The following GPC4 variants were observed in gnomAD, a reference collection of about 807,000 sequenced individuals.
The protein encoded by GPC4 is glypican 4, also known as glypican-4.
A neutral mutation model predicts 35.0 loss-of-function variants in GPC4; 10 were observed. The ratio of observed to expected loss-of-function variants is 0.29; its 90% CI spans 0.18 to 0.48. GPC4 has a LOEUF of 0.48. Among genes scored for constraint, GPC4 ranks in the 20% least tolerant of loss-of-function variants. The pLI is 0.99. For synonymous variants in GPC4, 167 were observed against 170.2 expected, an observed-to-expected ratio of 0.98 and a Z score of 0.15; for missense variants, 322 against 451.3, an observed-to-expected ratio of 0.71 and a Z score of 2.60.
intron 1 of GPC4, among the ~76,000 whole-genome samples, chrX:133,401,092 T>C (rs2068766425): frequency 9.0e-6 from 1 of 110,930 alleles, no homozygotes; most frequent in East Asian, 2.9e-4. Context: ...CCTGGTGTGC[T>C]TGAAGGAAAA....
At chrX:133,346,727 A>C (rs2068492437) in intron 1 of GPC4, among the ~76,000 whole-genome samples, 1 of 112,315 alleles carries the variant, frequency 8.9e-6, no homozygotes, top group African/African-American at 3.2e-5. Context: ...AATATTACTC[A>C]GCCATTGGAA....
chrX:133,396,674 G>A (rs896180330), intron 1 of GPC4, among the ~76,000 whole-genome samples: 40 of 111,697 alleles, frequency 3.6e-4, no homozygotes, highest in African/African-American at 1.3e-3. Context: ...TAATATGGTC[G>A]ATTACAGAAA....
chrX:133,338,999 C>T (rs1215864885), intron 2 of GPC4, among the ~76,000 whole-genome samples, 184 bp downstream of exon 2: 2 of 111,131 alleles, frequency 1.8e-5, no homozygotes, highest in South Asian at 3.9e-4. Flanking sequence ...ATAATGCCTA[C>T]CATACAGATT....
intron 1 of GPC4, among the ~76,000 whole-genome samples, chrX:133,376,920 T>C (rs757828200): frequency 1.8e-5 from 2 of 111,829 alleles, no homozygotes; most frequent in South Asian, 7.6e-4. Context: ...GTGAGGACGC[T>C]TCTCCTGGAA....
intron 7 of GPC4, among the ~76,000 whole-genome samples, chrX:133,303,810 C>T (rs186378833): frequency 1.8e-5 from 2 of 109,806 alleles, no homozygotes; most frequent in East Asian, 5.8e-4. Context: ...CAAGGTTGCA[C>T]CACTGCATTC....
chrX:133,391,942 C>T (rs1260648835), intron 1 of GPC4, among the ~76,000 whole-genome samples: 1 of 111,805 alleles, frequency 8.9e-6, no homozygotes, highest in Non-Finnish European at 1.9e-5. Flanking sequence ...GTTGTATTCA[C>T]TTACAATAGG....
intron 1 of GPC4, among the ~76,000 whole-genome samples, chrX:133,399,613 G>T (rs2068759809): frequency 8.9e-6 from 1 of 111,922 alleles, no homozygotes; most frequent in Admixed American, 9.5e-5. Flanking sequence ...AACCAATCAG[G>T]GCCCAGCTGA....
Position 133,378,439 on chromosome X carries a change from C to T in GPC4, c.160+36367G>A, listed in dbSNP as rs761281084. ...AAAAAAAACTAGCTGGGCGTGGTGGCGGGTGCCTGTAGTCCCAGCTACTCT... is the reference window on the plus strand; with the variant it reads ...AAAAAAAACTAGCTGGGCGTGGTGGTGGGTGCCTGTAGTCCCAGCTACTCT... On this transcript the variant is annotated intron_variant, in intron 1 of 8. Coordinates refer to ENST00000370828, the MANE Select transcript of GPC4 (RefSeq NM_001448.3). Among the ~76,000 whole-genome samples, 7 of 107,777 alleles carry T rather than the reference C, an allele frequency of 6.5e-5. No individual in the cohort carries two copies. The South Asian group carries it at 1.3e-3, about 20-fold the overall frequency. The allele number at this position is 107,777 out of a possible 115,157, so 93.6% of individuals were successfully genotyped here. A position where few individuals can be genotyped will look rare whatever the true frequency, so the allele number is the denominator to read the frequency against.
chrX:133,334,752 T>A (rs188451272), intron 2 of GPC4, among the ~76,000 whole-genome samples: 2 of 111,807 alleles, frequency 1.8e-5, no homozygotes, highest in East Asian at 2.8e-4. Flanking sequence ...CCATCCAAAG[T>A]TATTAAATTT....
At chrX:133,397,460 G>C (rs975615872) in intron 1 of GPC4, among the ~76,000 whole-genome samples, 5 of 110,472 alleles carry the variant, frequency 4.5e-5, no homozygotes, top group Admixed American at 9.7e-5. Flanking sequence ...GGGAGGGTGA[G>C]GTGGGAGGAT....
At chrX:133,336,749 T>A (rs1300637332) in intron 2 of GPC4, among the ~76,000 whole-genome samples, 1 of 110,984 alleles carries the variant, frequency 9.0e-6, no homozygotes, top group South Asian at 3.9e-4. Flanking sequence ...CTACTACCCA[T>A]TAAAAAAAAA....
intron 1 of GPC4, among the ~76,000 whole-genome samples, chrX:133,354,069 T>C (rs1010493200): frequency 1.8e-5 from 2 of 112,130 alleles, no homozygotes; most frequent in African/African-American, 3.2e-5. Context: ...CCTAATTTTG[T>C]ACCAGGACCT....
Position 133,415,253 on chromosome X carries a change from G to T in GPC4, c.-288C>A. The T allele has an allele frequency of 3.5e-6, 1 of 284,780 alleles. No homozygotes were observed. The highest frequency in any genetic ancestry group is 6.4e-5 in the East Asian group (1 of 15,595). The allele number at this position is 284,780 out of a possible 1,213,427, so 23.5% of individuals were successfully genotyped here. A position where few individuals can be genotyped will look rare whatever the true frequency, so the allele number is the denominator to read the frequency against. On this transcript the variant is annotated 5_prime_UTR_variant, in exon 1 of 9. Transcript: ENST00000370828. Reference sequence around the variant, plus strand: ...GCAGAGGCGCGGGCTGGTGACCTCGGGGTTTCGCGGGGCAGCGAACCCGGC... The same window carrying T: ...GCAGAGGCGCGGGCTGGTGACCTCGTGGTTTCGCGGGGCAGCGAACCCGGC...
At chrX:133,394,114 T>C (rs1444455724) in intron 1 of GPC4, among the ~76,000 whole-genome samples, 1 of 109,953 alleles carries the variant, frequency 9.1e-6, no homozygotes, top group Non-Finnish European at 1.9e-5. Flanking sequence ...CTACTAAAAA[T>C]ACAAAAATTA....
At chrX:133,374,397 G>T (rs1393628447) in intron 1 of GPC4, among the ~76,000 whole-genome samples, 1 of 112,053 alleles carries the variant, frequency 8.9e-6, no homozygotes, top group Non-Finnish European at 1.9e-5. Flanking sequence ...TGGAAGGTAG[G>T]TAGGGAAAGA....
chrX:133,397,223 G>A (rs1361576253), intron 1 of GPC4, among the ~76,000 whole-genome samples: 1 of 111,662 alleles, frequency 9.0e-6, no homozygotes. Context: ...CCAGAAGCTC[G>A]AGACCAGCCT....
chrX:133,414,179 T>C (rs890215484), intron 1 of GPC4, among the ~76,000 whole-genome samples: 7 of 111,034 alleles, frequency 6.3e-5, no homozygotes, highest in African/African-American at 2.0e-4. Context: ...AGTCGTTTGC[T>C]TTTTAAAGGC....
intron 3 of GPC4, among the ~76,000 whole-genome samples, chrX:133,318,920 A>G (rs1407648427): frequency 8.9e-6 from 1 of 112,255 alleles, no homozygotes; most frequent in Non-Finnish European, 1.9e-5. Flanking sequence ...CAGAAAAAAC[A>G]AAAGCAAGGC....
At chrX:133,399,807 C>T (rs1218318173) in intron 1 of GPC4, among the ~76,000 whole-genome samples, 3 of 111,999 alleles carry the variant, frequency 2.7e-5, no homozygotes, top group Non-Finnish European at 5.6e-5. Context: ...CTGAGCCCAG[C>T]CTGGCCAACA....
Sources: gnomAD v4.1 joint callset for allele counts (sites outside exome capture counted in the v4.1 genomes callset) on GRCh38, gnomAD v4.1.1 for gene constraint, MANE v1.5 for transcripts, NCBI Gene and HGNC (gene_info 2026-07-23, HGNC 2026-07-21) for gene names.